Variants in FBLN7 observed in about 807,000 individuals in gnomAD.
FBLN7 encodes the protein fibulin 7.
A neutral mutation model predicts 44.0 loss-of-function variants in FBLN7; 31 were observed. The observed-to-expected ratio is 0.70, with a 90% CI of 0.53 to 0.95. The LOEUF is 0.95. Ranked by LOEUF, FBLN7 falls within the 40% of genes least tolerant of loss-of-function variation. The pLI, the probability that FBLN7 is intolerant of heterozygous loss-of-function variation, is 0.00. For synonymous variants in FBLN7, 262 were observed against 253.4 expected (o/e 1.03, Z -0.32); for missense variants, 573 against 618.5 (o/e 0.93, Z 0.78).
chr2:112,221,655 C>A, the FBLN7 span, among the ~76,000 whole-genome samples: 1 of 152,050 alleles, frequency 6.6e-6, no homozygotes, highest in Non-Finnish European at 1.5e-5. Flanking sequence ...GTTGATTCTG[C>A]TGATAAGACT....
Position 112,175,840 on chromosome 2 carries a change from G to C in FBLN7, c.532+1G>C. The C allele has an allele frequency of 1.2e-6, 2 of 1,613,882 alleles. No individual in the cohort carries two copies. Among genetic ancestry groups the C allele is most frequent in the African/African-American group, 1.3e-5 (1 of 75,036 alleles). On this transcript the variant is annotated splice_donor_variant, in intron 4 of 7. Transcript: ENST00000331203. LOFTEE classifies it high-confidence loss of function. Reference sequence around the variant, plus strand: ...CGCTGTCAGCATCAGGCCCAGACTGGTATGTAGCCACCATGGGGTTAGGTG... The same window carrying C: ...CGCTGTCAGCATCAGGCCCAGACTGCTATGTAGCCACCATGGGGTTAGGTG...
the FBLN7 span, among the ~76,000 whole-genome samples, chr2:112,208,395 C>A: frequency 6.6e-6 from 1 of 151,562 alleles, no homozygotes; most frequent in African/African-American, 2.4e-5. Flanking sequence ...AGTGAGACTC[C>A]ATCTCAAAAC....
intron 1 of FBLN7, among the ~76,000 whole-genome samples, chr2:112,157,910 T>C (rs1681518453): frequency 6.7e-6 from 1 of 148,200 alleles, no homozygotes; most frequent in South Asian, 2.1e-4. Flanking sequence ...TTCTTTTTTT[T>C]TTTTTTGAGA....
chr2:112,186,283 G>A (rs1021439748), intron 7 of FBLN7, among the ~76,000 whole-genome samples: 5 of 152,052 alleles, frequency 3.3e-5, no homozygotes, highest in Admixed American at 1.3e-4. Flanking sequence ...GAGAAATATC[G>A]AAAGCATTTC....
chr2:112,226,606 G>A, the FBLN7 span, among the ~76,000 whole-genome samples: 110 of 46,064 alleles, frequency 2.4e-3, 1 homozygote, highest in African/African-American at 3.3e-3. Context: ...AAAAAAAAAA[G>A]CTCAGGCCCA....
the FBLN7 span, among the ~76,000 whole-genome samples, chr2:112,226,255 A>T: frequency 6.6e-6 from 1 of 151,990 alleles, no homozygotes; most frequent in Non-Finnish European, 1.5e-5. Flanking sequence ...GAATAAACTT[A>T]TAACAAGGAC....
At chr2:112,166,303 G>A (rs1403036687) in intron 3 of FBLN7, among the ~76,000 whole-genome samples, 3 of 152,140 alleles carry the variant, frequency 2.0e-5, no homozygotes, top group East Asian at 3.8e-4. Context: ...TGCCTGCCTC[G>A]GCCTCCCAAA....
downstream of FBLN7, among the ~76,000 whole-genome samples, chr2:112,192,067 A>T (rs914835662): frequency 2.0e-5 from 3 of 152,122 alleles, no homozygotes; most frequent in African/African-American, 7.2e-5. Context: ...ATTGGCTGTC[A>T]CTCCATAGAA....
At chr2:112,230,957 TA>T in the FBLN7 span, 4,123 of 1,154,842 alleles carry the variant, frequency 3.6e-3, no homozygotes, top group East Asian at 6.0e-3. Context: ...AAACCTAATA[TA>T]AAAAAAAAAT....
chr2:112,142,075 C>T lies in FBLN7; in HGVS notation c.75+3345C>T, dbSNP rs146160424. Among the ~76,000 whole-genome samples, 1,038 of 152,302 alleles carry T rather than the reference C, an allele frequency of 6.8e-3. 4 individuals are homozygous for T. The highest frequency in any genetic ancestry group is 0.02 in the Middle Eastern group (6 of 294). Reference sequence around the variant, plus strand: ...GTCATTTAAAAATTCTAGTGAGACTCTCTTTCACCCACAGTCCTATGTGGC... The same window carrying T: ...GTCATTTAAAAATTCTAGTGAGACTTTCTTTCACCCACAGTCCTATGTGGC... On this transcript the variant is annotated intron_variant, in intron 1 of 7. Coordinates refer to ENST00000331203, the MANE Select transcript of FBLN7 (RefSeq NM_153214.3).
At chr2:112,197,234 A>C in the FBLN7 span, among the ~76,000 whole-genome samples, 10 of 89,334 alleles carry the variant, frequency 1.1e-4, no homozygotes, top group African/African-American at 2.7e-4. Flanking sequence ...CGTAAGAGAA[A>C]ACACACACAC....
At chr2:112,232,066 G>A in the FBLN7 span, 49 of 495,218 alleles carry the variant, frequency 9.9e-5, 1 homozygote, top group Non-Finnish European at 1.4e-4. Flanking sequence ...GCTCATGCCT[G>A]TAGGAGGCGG....
rs747840798 is a variant in FBLN7, at chr2:112,187,391, T to C, written c.1205T>C (p.Leu402Pro). ...GGGGATCTGATCCTTGTGCAGAACC[T>C]GGAGGGGCCTCAGACGCTGGAGGTG... Reference protein sequence around the residue: ...QTGDLILVQNLEGPQTLEVDV... With the variant: ...QTGDLILVQNPEGPQTLEVDV... The change falls in exon 8 of 8, where the codon CTG (leucine) becomes CCG (proline). Residue 402 changes from leucine (L) to proline (P), a missense_variant. Transcript: ENST00000331203. The surrounding 1 kb of genome is among the most constrained non-coding windows in gnomAD (Gnocchi z 5.1). The C allele has an allele frequency of 1.9e-6, 3 of 1,614,136 alleles. No homozygotes were observed. Among genetic ancestry groups the C allele is most frequent in the East Asian group, 4.5e-5 (2 of 44,872 alleles).
intron 1 of FBLN7, among the ~76,000 whole-genome samples, chr2:112,155,297 T>C (rs1403689893): frequency 2.6e-5 from 4 of 152,306 alleles, no homozygotes; most frequent in Non-Finnish European, 2.9e-5. Flanking sequence ...AGCTCGGTGA[T>C]GCCTGTGCCT....
chr2:112,205,210 G>A, the FBLN7 span, among the ~76,000 whole-genome samples: 46 of 151,740 alleles, frequency 3.0e-4, no homozygotes, highest in Middle Eastern at 3.4e-3. Context: ...AATATCAAAG[G>A]AATTAAAATA....
intron 2 of FBLN7, among the ~76,000 whole-genome samples, chr2:112,160,706 A>ACG (rs1681739292): frequency 2.3e-5 from 1 of 44,192 alleles, no homozygotes; most frequent in African/African-American, 1.1e-4. Flanking sequence ...ACACGCACGC[A>ACG]CACACACAAG....
downstream of FBLN7, among the ~76,000 whole-genome samples, chr2:112,191,102 G>A (rs1227677342): frequency 4.6e-5 from 7 of 151,976 alleles, no homozygotes; most frequent in African/African-American, 1.7e-4. Context: ...CTCAGCCTCT[G>A]AGTAGCTGGG....
chr2:112,179,424 A>G (rs762035510), intron 4 of FBLN7, among the ~76,000 whole-genome samples: 19 of 152,214 alleles, frequency 1.2e-4, no homozygotes, highest in Non-Finnish European at 1.5e-5. Flanking sequence ...GCCCAAAACA[A>G]CTTACAGATT....
At chr2:112,184,648 A>G (rs1392711089) in intron 6 of FBLN7, among the ~76,000 whole-genome samples, 1 of 71,820 alleles carries the variant, frequency 1.4e-5, no homozygotes, top group East Asian at 3.5e-4. Context: ...TATATATAGT[A>G]TATATAGGTA....
Sources: gnomAD v4.1 joint callset for allele counts (sites outside exome capture counted in the v4.1 genomes callset) on GRCh38, gnomAD v4.1.1 for gene constraint, Gnocchi (gnomAD v3.1) non-coding constraint, MANE v1.5 for transcripts, NCBI Gene and HGNC (gene_info 2026-07-23, HGNC 2026-07-21) for gene names.